The following PLCL1 variants were observed in gnomAD, a reference collection of about 807,000 sequenced individuals.
The protein encoded by PLCL1 is inactive phospholipase C-like protein 1.
PLCL1 carries 41 observed loss-of-function variants against 84.4 expected under a neutral mutation model. That is an observed-to-expected ratio of 0.49 (90% CI 0.38 to 0.63). The LOEUF (loss-of-function observed/expected upper bound fraction) is 0.63. PLCL1 is among the 30% of genes least tolerant of loss of function. PLCL1 has a pLI of 0.00. For synonymous variants in PLCL1, 490 were observed against 488.3 expected, an observed-to-expected ratio of 1.00 and a Z score of -0.05; for missense variants, 1,206 against 1,367.8, an observed-to-expected ratio of 0.88 and a Z score of 1.87.
chr2:197,923,941 C>T (rs1325089746), intron 1 of PLCL1, among the ~76,000 whole-genome samples: 2 of 151,756 alleles, frequency 1.3e-5, no homozygotes, highest in Admixed American at 6.6e-5. Flanking sequence ...GGATCACTCG[C>T]GGTTAGGGGC....
chr2:197,929,362 G>A (rs927546779), intron 1 of PLCL1, among the ~76,000 whole-genome samples: 1 of 152,146 alleles, frequency 6.6e-6, no homozygotes, highest in Admixed American at 6.6e-5. Context: ...CAGAAGATGA[G>A]GCAGCATGCT....
intron 1 of PLCL1, among the ~76,000 whole-genome samples, chr2:197,942,694 A>C (rs539399974): frequency 6.6e-6 from 1 of 152,322 alleles, no homozygotes; most frequent in South Asian, 2.1e-4. Flanking sequence ...GCCCCAGTAA[A>C]GATTCTGGCT....
intron 1 of PLCL1, among the ~76,000 whole-genome samples, chr2:198,000,672 G>A (rs934215846): frequency 2.0e-5 from 3 of 151,984 alleles, no homozygotes; most frequent in Admixed American, 1.3e-4. Context: ...GTTCACAGGG[G>A]CAAAGTGACT....
chr2:197,849,392 A>G (rs1687182436), intron 1 of PLCL1, among the ~76,000 whole-genome samples: 1 of 152,138 alleles, frequency 6.6e-6, no homozygotes, highest in East Asian at 1.9e-4. Flanking sequence ...ACAAAATAAC[A>G]AAAAATTAGC....
intron 1 of PLCL1, among the ~76,000 whole-genome samples, chr2:197,816,400 A>G (rs1690689855): frequency 2.6e-5 from 4 of 152,130 alleles, no homozygotes; most frequent in Non-Finnish European, 4.4e-5. Flanking sequence ...TGTAAACATA[A>G]CTTTTATATG....
At chr2:198,120,177 TA>T (rs374892232) in intron 5 of PLCL1, among the ~76,000 whole-genome samples, 25 of 151,744 alleles carry the variant, frequency 1.6e-4, no homozygotes, top group South Asian at 4.1e-4. Flanking sequence ...GGTCTACTCT[TA>T]AAAAAAATAA....
At chr2:198,103,084 A>G (rs1424979088) in intron 4 of PLCL1, among the ~76,000 whole-genome samples, 3 of 152,042 alleles carry the variant, frequency 2.0e-5, no homozygotes, top group Admixed American at 6.6e-5. Flanking sequence ...CTGATTACTC[A>G]TTGTTATCTA....
chr2:198,046,297 A>G (rs915912626), intron 1 of PLCL1, among the ~76,000 whole-genome samples: 1 of 152,190 alleles, frequency 6.6e-6, no homozygotes, highest in Non-Finnish European at 1.5e-5. Context: ...TTTCCCTTAT[A>G]GTACTGTATT....
intron 1 of PLCL1, among the ~76,000 whole-genome samples, chr2:197,926,839 G>T (rs552087291): frequency 6.6e-6 from 1 of 152,068 alleles, no homozygotes. Context: ...TGTGGTACTC[G>T]TTTGGGTTTG....
chr2:198,116,417 C>T (rs1693750637), intron 5 of PLCL1, among the ~76,000 whole-genome samples: 1 of 151,710 alleles, frequency 6.6e-6, no homozygotes, highest in Non-Finnish European at 1.5e-5. Flanking sequence ...AGTGAAGATA[C>T]CTATCTATGA....
Position 197,922,671 on chromosome 2 carries a change from C to T in PLCL1, c.240+117332C>T, listed in dbSNP as rs1294352846. Reference sequence around the variant, plus strand: ...CCCCCCCACCCCCCCACCTCCCTCCCGGACGGGGCGGCTGGCTGGGCAGAG... The same window carrying T: ...CCCCCCCACCCCCCCACCTCCCTCCTGGACGGGGCGGCTGGCTGGGCAGAG... On this transcript the variant is annotated intron_variant, in intron 1 of 5. Coordinates refer to ENST00000428675, the MANE Select transcript of PLCL1 (RefSeq NM_006226.4). Among the ~76,000 whole-genome samples the T allele has an allele frequency of 3.6e-4, 47 of 129,600 alleles. 2 individuals carry two copies. Among genetic ancestry groups the T allele is most frequent in the African/African-American group, 1.3e-3 (44 of 34,954 alleles). 85.0% of individuals were successfully genotyped at this position (129,600 alleles called of 152,430 possible). A position where few individuals can be genotyped will look rare whatever the true frequency, so the allele number is the denominator to read the frequency against.
At chr2:197,878,544 T>C (rs1405175366) in intron 1 of PLCL1, among the ~76,000 whole-genome samples, 1 of 152,196 alleles carries the variant, frequency 6.6e-6, no homozygotes, top group South Asian at 2.1e-4. Flanking sequence ...TTCCATTTTC[T>C]AGGATACATA....
At chr2:197,972,342 C>CA (rs781258530) in intron 1 of PLCL1, among the ~76,000 whole-genome samples, 35 of 152,070 alleles carry the variant, frequency 2.3e-4, no homozygotes, top group Non-Finnish European at 4.3e-4. Context: ...TCTACCTCAA[C>CA]AAATTACATG....
At chr2:198,137,550 G>A (rs569994175) in intron 5 of PLCL1, among the ~76,000 whole-genome samples, 135 of 152,226 alleles carry the variant, frequency 8.9e-4, no homozygotes, top group Middle Eastern at 3.4e-3. Context: ...CCCATACCAT[G>A]TATATCTGTA....
intron 1 of PLCL1, among the ~76,000 whole-genome samples, chr2:197,979,664 G>A (rs1690063978): frequency 6.6e-6 from 1 of 152,118 alleles, no homozygotes; most frequent in African/African-American, 2.4e-5. Flanking sequence ...AATCCCAGTT[G>A]CCTTCCCCAG....
intron 1 of PLCL1, among the ~76,000 whole-genome samples, chr2:197,905,160 T>C (rs1688353318): frequency 6.6e-6 from 1 of 152,222 alleles, no homozygotes; most frequent in South Asian, 2.1e-4. Context: ...ACATGTGCCA[T>C]GGTGGTTTGC....
rs774390811 is a variant in PLCL1, at chr2:198,014,859, G to A, written c.241-68899G>A. Among the ~76,000 whole-genome samples, 48 of 152,040 alleles carry A rather than the reference G, an allele frequency of 3.2e-4. 1 individual carries two copies. The highest frequency in any genetic ancestry group is 1.6e-3 in the Admixed American group (24 of 15,272). On this transcript the variant is annotated intron_variant, in intron 1 of 5. Transcript: ENST00000428675. ...CAGAAGTGTTCTACTTGTGCAAATT[G>A]TTTTCCTTTTTATGTCATCAATTCT...
chr2:198,007,116 G>A (rs1043590139), intron 1 of PLCL1, among the ~76,000 whole-genome samples: 2 of 152,180 alleles, frequency 1.3e-5, no homozygotes, highest in Admixed American at 1.3e-4. Flanking sequence ...ATTTAAAAAT[G>A]TTCCTCAATA....
At chr2:197,884,442 C>A (rs1304043991) in intron 1 of PLCL1, among the ~76,000 whole-genome samples, 2 of 152,142 alleles carry the variant, frequency 1.3e-5, no homozygotes, top group Admixed American at 1.3e-4. Context: ...AGCAATATAA[C>A]CTCACGTAGC....
Sources: gnomAD v4.1 joint callset for allele counts (sites outside exome capture counted in the v4.1 genomes callset) on GRCh38, gnomAD v4.1.1 for gene constraint, MANE v1.5 for transcripts, NCBI Gene and HGNC (gene_info 2026-07-23, HGNC 2026-07-21) for gene names.